CDH4: variants seen among roughly 807,000 people sequenced by gnomAD.
CDH4 encodes the protein cadherin 4, also known as cadherin-4.
In CDH4, 33 loss-of-function variants were observed where a neutral mutation model predicts 86.0. The observed-to-expected ratio is 0.38, with a 90% CI of 0.29 to 0.51. CDH4 has a LOEUF of 0.51. CDH4 is among the 20% of genes least tolerant of loss of function. CDH4 has a pLI of 0.86. For synonymous variants in CDH4, 555 were observed against 549.4 expected (o/e 1.01, Z -0.14); for missense variants, 1,114 against 1,307.4 (o/e 0.85, Z 2.28).
chr20:61,448,425 G>A (rs1420819999), intron 2 of CDH4, among the ~76,000 whole-genome samples: 3 of 152,184 alleles, frequency 2.0e-5, no homozygotes, highest in Non-Finnish European at 2.9e-5. Flanking sequence ...TTTGCTACTC[G>A]CACCCAACAG....
intron 6 of CDH4, among the ~76,000 whole-genome samples, chr20:61,866,508 C>G: frequency 6.6e-6 from 1 of 152,298 alleles, no homozygotes; most frequent in African/African-American, 2.4e-5. Context: ...TTTAAAGTAG[C>G]TTTTGCACAT....
chr20:61,505,826 G>A lies in CDH4; in HGVS notation c.170-237737G>A, dbSNP rs184289574. 3.7e-3 allele frequency among the ~76,000 whole-genome samples: 556 copies of A among 151,568 alleles called. 5 individuals carry two copies. Among genetic ancestry groups the A allele is most frequent in the African/African-American group, 0.013 (541 of 41,456 alleles). On this transcript the variant is annotated intron_variant, in intron 2 of 15. Transcript: ENST00000614565. ...GTCCTCACGCTGCTTATGTTAAGAT[G>A]AATGGGTTTATTGGTTGCCCCACAG...
chr20:61,285,137 C>G (rs1316073958), intron 2 of CDH4, among the ~76,000 whole-genome samples: 1 of 152,162 alleles, frequency 6.6e-6, no homozygotes, highest in African/African-American at 2.4e-5. Flanking sequence ...CGGCCCCTGG[C>G]CGACAGCCAA....
chr20:61,328,422 G>T (rs542058515), intron 2 of CDH4, among the ~76,000 whole-genome samples: 2 of 152,142 alleles, frequency 1.3e-5, no homozygotes, highest in African/African-American at 2.4e-5. Context: ...TGATCCACCC[G>T]CCTTGACCTC....
intron 2 of CDH4, among the ~76,000 whole-genome samples, chr20:61,557,404 C>T (rs1006123649): frequency 6.6e-6 from 1 of 152,184 alleles, no homozygotes; most frequent in African/African-American, 2.4e-5. Context: ...CCAAGGGACT[C>T]TTAGGTCTGT....
intron 2 of CDH4, among the ~76,000 whole-genome samples, chr20:61,348,887 A>G (rs2084694473): frequency 6.6e-6 from 1 of 152,184 alleles, no homozygotes; most frequent in Non-Finnish European, 1.5e-5. Context: ...AGGGTCTCTA[A>G]AAGTTCTTGT....
chr20:61,303,452 G>A (rs1046419635), intron 2 of CDH4, among the ~76,000 whole-genome samples: 1 of 75,182 alleles, frequency 1.3e-5, no homozygotes, highest in African/African-American at 4.0e-5. Flanking sequence ...GTCTGGCCCT[G>A]CTCTTGCCAT....
intron 15 of CDH4, among the ~76,000 whole-genome samples, chr20:61,936,400 CCCTCCCCCCTCTCCCACA>C (rs2055188835): frequency 1.8e-4 from 2 of 11,178 alleles, no homozygotes; most frequent in Admixed American, 1.3e-3. Flanking sequence ...CCCCCACACC[CCCTCCCCCCTCTCCCACA>C]CCCCCCCCCC....
intron 4 of CDH4, among the ~76,000 whole-genome samples, chr20:61,843,372 C>G (rs1332605621): frequency 6.8e-6 from 1 of 147,220 alleles, no homozygotes; most frequent in Non-Finnish European, 1.5e-5. Context: ...ATGGCGTGAA[C>G]CCAGGAAGCG....
intron 2 of CDH4, among the ~76,000 whole-genome samples, chr20:61,730,238 G>C (rs550789909): frequency 3.3e-4 from 50 of 152,148 alleles, no homozygotes; most frequent in African/African-American, 1.1e-3. Context: ...TGGTGGGTTT[G>C]GACCAAATGC....
chr20:61,794,552 A>G (rs1309585559), intron 4 of CDH4, among the ~76,000 whole-genome samples: 1 of 152,220 alleles, frequency 6.6e-6, no homozygotes, highest in Non-Finnish European at 1.5e-5. Context: ...GCCACTGGCA[A>G]AGAGTCACAG....
intron 3 of CDH4, among the ~76,000 whole-genome samples, chr20:61,769,531 C>T (rs753181980): frequency 6.6e-6 from 1 of 152,238 alleles, no homozygotes; most frequent in Non-Finnish European, 1.5e-5. Context: ...ACTTCACAAA[C>T]AGAGACCACA....
chr20:61,678,928 A>G lies in CDH4; in HGVS notation c.170-64635A>G, dbSNP rs1038176975. Reference sequence around the variant, plus strand: ...TCCCATTCTCAGGTTCTAGGAGGACATGAATTTGGGGGACACTATTCATCC... The same window carrying G: ...TCCCATTCTCAGGTTCTAGGAGGACGTGAATTTGGGGGACACTATTCATCC... On this transcript the variant is annotated intron_variant, in intron 2 of 15. Transcript: ENST00000614565. Among the ~76,000 whole-genome samples the G allele has an allele frequency of 4.6e-5, 7 of 152,336 alleles. No homozygotes were observed. The East Asian group carries it at 1.3e-3, about 29-fold the overall frequency.
intron 2 of CDH4, among the ~76,000 whole-genome samples, chr20:61,556,062 C>A (rs1380938949): frequency 2.0e-5 from 3 of 152,174 alleles, no homozygotes; most frequent in Non-Finnish European, 2.9e-5. Context: ...CCTTGGTGTA[C>A]CCCCCATGTG....
In CDH4 at chr20:61,263,540, C is replaced by T. The variant is rs111876574; in HGVS notation, c.169+8603C>T. On this transcript the variant is annotated intron_variant, in intron 2 of 15. Coordinates refer to ENST00000614565, the MANE Select transcript of CDH4 (RefSeq NM_001794.5). Reference sequence around the variant, plus strand: ...CCTGCAGCCTAAGGTAGTTAGAAGGCATGCCCCAGATCACTCGGTATGGGC... The same window carrying T: ...CCTGCAGCCTAAGGTAGTTAGAAGGTATGCCCCAGATCACTCGGTATGGGC... Among the ~76,000 whole-genome samples, 932 of 152,282 alleles carry T rather than the reference C, an allele frequency of 6.1e-3. 8 individuals are homozygous for T. Among genetic ancestry groups the T allele is most frequent in the African/African-American group, 0.021 (865 of 41,548 alleles).
chr20:61,538,453 C>T (rs73320357), intron 2 of CDH4, among the ~76,000 whole-genome samples: 6,128 of 152,166 alleles, frequency 0.04, 384 homozygotes, highest in African/African-American at 0.14. Flanking sequence ...AACCCAGAGC[C>T]GGAAACCCAG....
intron 2 of CDH4, among the ~76,000 whole-genome samples, chr20:61,304,975 T>C (rs886409030): frequency 6.6e-5 from 10 of 151,962 alleles, no homozygotes; most frequent in Non-Finnish European, 8.8e-5. Context: ...GCATGTGCTG[T>C]GCGTGGGTGT....
chr20:61,832,916 A>C (rs7345389), intron 4 of CDH4, among the ~76,000 whole-genome samples: 67,291 of 152,090 alleles, frequency 0.44, 16,832 homozygotes, highest in Non-Finnish European at 0.58. Flanking sequence ...AGTACTGTCA[A>C]AATTGTAATG....
rs78228138 is a variant in CDH4 at position 61,699,596 on chromosome 20, A to C, written c.170-43967A>C. 5.9e-5 allele frequency among the ~76,000 whole-genome samples: 9 copies of C among 152,302 alleles called. No individual in the cohort carries two copies. The East Asian group carries it at 1.7e-3, about 29-fold the overall frequency. On this transcript the variant is annotated intron_variant, in intron 2 of 15. Coordinates refer to ENST00000614565, the MANE Select transcript of CDH4 (RefSeq NM_001794.5). ...TTCTCACACAGCTTCCTGCCAAGTC[A>C]TGTCCCCAGGCTGGATGACATCACC... is the stretch of plus-strand genomic sequence containing the variant.
Sources: allele counts gnomAD v4.1 joint callset (sites outside exome capture counted in the v4.1 genomes callset), GRCh38; gene constraint gnomAD v4.1.1; transcripts MANE v1.5; gene names NCBI Gene and HGNC (gene_info 2026-07-23, HGNC 2026-07-21).